Variants in TP63 observed in about 807,000 individuals in gnomAD.
TP63 encodes tumor protein 63.
TP63 carries 17 observed loss-of-function variants against 82.8 expected under a neutral mutation model. That is an observed-to-expected ratio of 0.21 (90% CI 0.14 to 0.31). The LOEUF (loss-of-function observed/expected upper bound fraction) is 0.31, where lower values mean the gene tolerates loss of function less well. Among genes scored for constraint, TP63 ranks in the 10% least tolerant of loss-of-function variants. The pLI is 1.00. For missense variants in TP63, 648 were observed against 895.3 expected (o/e 0.72, Z 3.52); for synonymous variants, 330 against 321.7 (o/e 1.03, Z -0.28).
chr3:189,836,449 G>T (rs987293574), intron 4 of TP63, among the ~76,000 whole-genome samples: 7 of 152,258 alleles, frequency 4.6e-5, no homozygotes, highest in African/African-American at 1.7e-4. Context: ...ATAGGGTTGG[G>T]CAAAGCAAAG....
chr3:189,609,434 T>A, the TP63 span, among the ~76,000 whole-genome samples: 1 of 152,106 alleles, frequency 6.6e-6, no homozygotes. Context: ...ATGTGAAGGT[T>A]TGCTACGTAT....
rs1238198946 is a variant in TP63, at chr3:189,896,449, T to A, written c.*1947T>A. 3 of 199,332 alleles carry A rather than the reference T, an allele frequency of 1.5e-5. No homozygotes were observed. The highest frequency in any genetic ancestry group is 3.8e-4 in the South Asian group (2 of 5,212). 12.3% of individuals were successfully genotyped at this position (199,332 alleles called of 1,614,324 possible). A position where few individuals can be genotyped will look rare whatever the true frequency, so the allele number is the denominator to read the frequency against. ...GGGGAGGGAAGGGAAAGTTTTTTTTTATTATTTTTTTAAAATTTTGTATGT... is the reference window on the plus strand; with the variant it reads ...GGGGAGGGAAGGGAAAGTTTTTTTTAATTATTTTTTTAAAATTTTGTATGT... On this transcript the variant is annotated 3_prime_UTR_variant, in exon 14 of 14. Coordinates refer to ENST00000264731, the MANE Select transcript of TP63 (RefSeq NM_003722.5).
chr3:189,806,485 C>G (rs749046273), intron 3 of TP63, among the ~76,000 whole-genome samples: 1 of 152,184 alleles, frequency 6.6e-6, no homozygotes, highest in Admixed American at 6.5e-5. Flanking sequence ...AATCCCCTTC[C>G]GAGGCTGTTG....
chr3:189,761,159 G>A (rs754236566), intron 3 of TP63, among the ~76,000 whole-genome samples: 2 of 152,212 alleles, frequency 1.3e-5, no homozygotes, highest in Non-Finnish European at 2.9e-5. Context: ...TTGTCTTGGT[G>A]ATTAACATTA....
At chr3:189,852,805 G>A (rs1490181745) in intron 4 of TP63, among the ~76,000 whole-genome samples, 2 of 152,118 alleles carry the variant, frequency 1.3e-5, no homozygotes, top group Non-Finnish European at 2.9e-5. Context: ...TCTGGTAAGT[G>A]CCTTTCTAGC....
intron 13 of TP63, among the ~76,000 whole-genome samples, 167 bp from the exon 14 acceptor site, chr3:189,894,039 G>T (rs1393465615): frequency 6.6e-6 from 1 of 152,178 alleles, no homozygotes; most frequent in African/African-American, 2.4e-5. Flanking sequence ...TTTGTGCTTA[G>T]TTCCATAGAG....
chr3:189,778,262 T>G (rs1723971750), intron 3 of TP63, among the ~76,000 whole-genome samples: 1 of 152,228 alleles, frequency 6.6e-6, no homozygotes, highest in South Asian at 2.1e-4. Context: ...CAGGTGTATG[T>G]GGGAGAAATA....
intron 1 of TP63, among the ~76,000 whole-genome samples, chr3:189,732,910 C>T (rs961365976): frequency 6.6e-6 from 1 of 152,060 alleles, no homozygotes; most frequent in Non-Finnish European, 1.5e-5. Flanking sequence ...AATAAAAGAA[C>T]AAAATTCAAA....
the TP63 span, among the ~76,000 whole-genome samples, chr3:189,599,718 C>G: frequency 6.6e-6 from 1 of 152,074 alleles, no homozygotes; most frequent in African/African-American, 2.4e-5. Context: ...ATATTTTTTT[C>G]AAGAGAGTTT....
rs1179905056 is a variant in TP63, at chr3:189,896,284, A to T, written c.*1782A>T. ...GTGAAATTGCATACTTTGTATTTTGATTATTTTTTTTTTCTTCTTGGGATA... is the reference window on the plus strand; with the variant it reads ...GTGAAATTGCATACTTTGTATTTTGTTTATTTTTTTTTTCTTCTTGGGATA... On this transcript the variant is annotated 3_prime_UTR_variant, in exon 14 of 14. Coordinates refer to ENST00000264731, the MANE Select transcript of TP63 (RefSeq NM_003722.5). 1 of 216,414 alleles carries T rather than the reference A, an allele frequency of 4.6e-6. No homozygotes were observed. The highest frequency in any genetic ancestry group is 9.3e-6 in the Non-Finnish European group (1 of 107,226). 13.4% of individuals were successfully genotyped at this position (216,414 alleles called of 1,614,324 possible). A position where few individuals can be genotyped will look rare whatever the true frequency, so the allele number is the denominator to read the frequency against.
intron 4 of TP63, among the ~76,000 whole-genome samples, chr3:189,825,654 C>T (rs574530051): frequency 6.6e-6 from 1 of 152,230 alleles, no homozygotes; most frequent in Non-Finnish European, 1.5e-5. Flanking sequence ...TTAATTGTGT[C>T]TTCTCTATTC....
rs368342713 is a variant in TP63 at position 189,739,555 on chromosome 3, G to T, written c.324+781G>T. On this transcript the variant is annotated intron_variant, in intron 3 of 13. Transcript: ENST00000264731. ...ATGCAGGTTTAAGTACCTGGTAACA[G>T]AATAAGAGGGAGGAAAAAAACTAAT... Among the ~76,000 whole-genome samples, 9 of 152,234 alleles carry T rather than the reference G, an allele frequency of 5.9e-5. No homozygotes were observed. The South Asian group carries it at 1.9e-3, about 32-fold the overall frequency.
intron 4 of TP63, among the ~76,000 whole-genome samples, chr3:189,825,689 A>G (rs1364530769): frequency 6.6e-6 from 1 of 152,188 alleles, no homozygotes; most frequent in Non-Finnish European, 1.5e-5. Context: ...ATATTTACAC[A>G]TAATAGGAAA....
chr3:189,612,104 A>G, the TP63 span, among the ~76,000 whole-genome samples: 1 of 152,014 alleles, frequency 6.6e-6, no homozygotes, highest in Non-Finnish European at 1.5e-5. Context: ...CTCTTTCTAT[A>G]TGGATGTGCT....
the TP63 span, among the ~76,000 whole-genome samples, chr3:189,625,104 A>G: frequency 6.6e-6 from 1 of 152,234 alleles, no homozygotes; most frequent in Non-Finnish European, 1.5e-5. Context: ...TTGCAGATAC[A>G]GTATTTCACA....
intron 3 of TP63, among the ~76,000 whole-genome samples, chr3:189,780,330 C>T (rs1210109263): frequency 6.6e-6 from 1 of 152,142 alleles, no homozygotes; most frequent in East Asian, 1.9e-4. Context: ...CCCTTCTTTG[C>T]CCACCAATAA....
intron 11 of TP63, among the ~76,000 whole-genome samples, chr3:189,887,398 G>A (rs1161770952): frequency 6.6e-6 from 1 of 151,988 alleles, no homozygotes; most frequent in African/African-American, 2.4e-5. Flanking sequence ...TTCTATCCCA[G>A]ACACAGTCAG....
intron 4 of TP63, among the ~76,000 whole-genome samples, chr3:189,821,587 C>T (rs529313107): frequency 1.3e-5 from 2 of 152,326 alleles, no homozygotes; most frequent in African/African-American, 4.8e-5. Context: ...TTATATTTTC[C>T]TAAGCCTCGC....
At chr3:189,843,459 C>T (rs1714438051) in intron 4 of TP63, among the ~76,000 whole-genome samples, 3 of 152,138 alleles carry the variant, frequency 2.0e-5, no homozygotes, top group Admixed American at 2.0e-4. Flanking sequence ...CTGGAGCCAT[C>T]AGGAAAAGTG....
Sources: gnomAD v4.1 joint callset for allele counts (sites outside exome capture counted in the v4.1 genomes callset) on GRCh38, gnomAD v4.1.1 for gene constraint, MANE v1.5 for transcripts, NCBI Gene and HGNC (gene_info 2026-07-23, HGNC 2026-07-21) for gene names.